Variants in CAPS2 observed in about 807,000 individuals in gnomAD.
CAPS2 encodes calcyphosine 2.
Under a neutral mutation model 86.5 loss-of-function variants are expected in CAPS2, and 98 were observed. That is an observed-to-expected ratio of 1.13 (90% CI 0.96 to 1.34). The LOEUF is 1.34. CAPS2 is among the 40% of genes most tolerant of loss of function. The pLI is 0.00. For synonymous variants in CAPS2, 210 were observed against 225.1 expected (o/e 0.93, Z 0.60); for missense variants, 729 against 686.8 (o/e 1.06, Z -0.69).
At chr12:75,352,158 T>C (rs1333030192) in intron 1 of CAPS2, among the ~76,000 whole-genome samples, 1 of 152,196 alleles carries the variant, frequency 6.6e-6, no homozygotes, top group African/African-American at 2.4e-5. Context: ...CATATAACTA[T>C]ACTAACGTTA....
intron 1 of CAPS2, among the ~76,000 whole-genome samples, chr12:75,342,461 T>C (rs2042185102): frequency 6.6e-6 from 1 of 152,200 alleles, no homozygotes; most frequent in African/African-American, 2.4e-5. Context: ...TAAAAAGATG[T>C]TTAAAAATAA....
chr12:75,389,574 T>C (rs1480108698), intron 1 of CAPS2, among the ~76,000 whole-genome samples: 3 of 152,224 alleles, frequency 2.0e-5, no homozygotes, highest in Non-Finnish European at 4.4e-5. Context: ...ACCACCATAA[T>C]AAAAGAATTG....
chr12:75,277,186 C>T (rs115326793), downstream of CAPS2: 2,103 of 970,766 alleles, frequency 2.2e-3, 40 homozygotes, highest in African/African-American at 0.035. Context: ...CATGTTAACA[C>T]GTTACATTCC....
chr12:75,303,992 T>C (rs908467280), intron 8 of CAPS2, among the ~76,000 whole-genome samples: 2 of 152,078 alleles, frequency 1.3e-5, no homozygotes, highest in South Asian at 4.1e-4. Context: ...CTAAAACCTC[T>C]AGAAGGAATG....
At chr12:75,315,986 T>TA (rs1293676513) in intron 6 of CAPS2, among the ~76,000 whole-genome samples, 1 of 152,176 alleles carries the variant, frequency 6.6e-6, no homozygotes, top group East Asian at 1.9e-4. Flanking sequence ...AGGAGCTCAT[T>TA]ACTTCAAAAA....
chr12:75,374,674 A>C (rs959335364), intron 1 of CAPS2, among the ~76,000 whole-genome samples: 2 of 152,230 alleles, frequency 1.3e-5, no homozygotes, highest in Non-Finnish European at 2.9e-5. Context: ...ATTATGACAT[A>C]AAGCTGGAGA....
At chr12:75,380,965 T>C (rs2044930192) in intron 1 of CAPS2, among the ~76,000 whole-genome samples, 1 of 152,178 alleles carries the variant, frequency 6.6e-6, no homozygotes, top group African/African-American at 2.4e-5. Flanking sequence ...GTAATGTACA[T>C]TCAGGAGTCA....
In CAPS2 at chr12:75,284,863, A is replaced by G. The variant is rs145711273; in HGVS notation, c.1515+98T>C. The G allele has an allele frequency of 3.7e-4, 423 of 1,145,144 alleles. 6 individuals carry two copies. The African/African-American group carries it at 5.2e-3, about 14-fold the overall frequency. The allele number at this position is 1,145,144 out of a possible 1,614,324, so 70.9% of individuals were successfully genotyped here. On this transcript the variant is annotated intron_variant, in intron 15 of 16. Coordinates refer to ENST00000393284, the Ensembl canonical transcript of CAPS2. ...CTAAACCCAACATATAAGTAAATAG[A>G]TTTAAAACTTTTAAATGGTAATTCA...
intron 1 of CAPS2, among the ~76,000 whole-genome samples, chr12:75,367,309 G>A (rs978363035): frequency 6.9e-5 from 10 of 144,550 alleles, no homozygotes; most frequent in South Asian, 2.2e-4. Flanking sequence ...TGACTCTTTC[G>A]TAGTAACACT....
chr12:75,282,039 T>C (rs1168757348), intron 16 of CAPS2, among the ~76,000 whole-genome samples: 3 of 152,128 alleles, frequency 2.0e-5, no homozygotes, highest in Non-Finnish European at 4.4e-5. Context: ...AGTTCTATAT[T>C]GATAATAAAT....
intron 1 of CAPS2, chr12:75,360,129 T>G (rs1219476645): frequency 6.6e-6 from 1 of 152,118 alleles, no homozygotes; most frequent in Non-Finnish European, 1.5e-5. Flanking sequence ...TCTCTCAACA[T>G]GTGGAGATTA....
Position 75,289,784 on chromosome 12 carries a change from C to T in CAPS2, c.1241-9G>A, listed in dbSNP as rs1565786306. 1 of 1,600,340 alleles carries T rather than the reference C, an allele frequency of 6.2e-7. No homozygotes were observed. Among genetic ancestry groups the T allele is most frequent in the Non-Finnish European group, 8.5e-7 (1 of 1,172,844 alleles). ...TTTTTCTTTTAGCACATCTGTTCAA[C>T]AAGAAGAGAGATGAAAACAAATTGT... On this transcript the variant is annotated splice_polypyrimidine_tract_variant and intron_variant, in intron 13 of 16. Coordinates refer to ENST00000393284, the Ensembl canonical transcript of CAPS2.
chr12:75,305,785 T>C (rs1340207142), intron 7 of CAPS2: 9 of 726,498 alleles, frequency 1.2e-5, no homozygotes, highest in Non-Finnish European at 2.3e-5. Context: ...TGGTGAAGGA[T>C]GTCGTCGGCA....
chr12:75,277,210 CTTTTT>C (rs11349252), exon 17 of CAPS2: 2 of 843,766 alleles, frequency 2.4e-6, no homozygotes, highest in Non-Finnish European at 2.8e-6. Flanking sequence ...AGTAGCTTCC[CTTTTT>C]TTTTTTTTTT....
intron 1 of CAPS2, among the ~76,000 whole-genome samples, chr12:75,384,684 G>A (rs2045190400): frequency 6.6e-6 from 1 of 151,908 alleles, no homozygotes; most frequent in Non-Finnish European, 1.5e-5. Context: ...CCAAAATCCT[G>A]CAAAAACATT....
chr12:75,281,757 A>G (rs546179367), intron 16 of CAPS2, among the ~76,000 whole-genome samples: 1 of 152,064 alleles, frequency 6.6e-6, no homozygotes, highest in Non-Finnish European at 1.5e-5. Context: ...AAAAAGTTAG[A>G]AAAAATATAG....
At chr12:75,378,188 G>A (rs2044763137) in intron 1 of CAPS2, among the ~76,000 whole-genome samples, 1 of 151,962 alleles carries the variant, frequency 6.6e-6, no homozygotes, top group Non-Finnish European at 1.5e-5. Flanking sequence ...TTGTAGAGAT[G>A]GGGTTTTGCC....
In CAPS2 at chr12:75,284,095, A is replaced by G. The variant is rs537933199; in HGVS notation, c.1515+866T>C. On this transcript the variant is annotated intron_variant, in intron 15 of 16. Coordinates refer to ENST00000393284, the Ensembl canonical transcript of CAPS2. ...CTTGCCCTCTATTCCCATTACTAAG[A>G]TTTATGAAAGAGACAAGCCTCCAAT... 1.9e-3 allele frequency among the ~76,000 whole-genome samples: 284 copies of G among 152,216 alleles called. 3 individuals are homozygous for G. The highest frequency in any genetic ancestry group is 3.5e-3 in the Non-Finnish European group (238 of 67,998).
exon 12 of CAPS2, chr12:75,293,320 T>G (rs2138366036): frequency 6.2e-7 from 1 of 1,612,372 alleles, no homozygotes; most frequent in East Asian, 2.2e-5. Context: ...CTTTGATGCT[T>G]TCTGGAAGGC....
Sources: gnomAD v4.1 joint callset for allele counts (sites outside exome capture counted in the v4.1 genomes callset) on GRCh38, gnomAD v4.1.1 for gene constraint, MANE v1.5 for transcripts, NCBI Gene and HGNC (gene_info 2026-07-23, HGNC 2026-07-21) for gene names.